The following CDC42BPB variants were observed in gnomAD, a reference collection of about 807,000 sequenced individuals.
CDC42BPB encodes the protein serine/threonine-protein kinase MRCK beta.
CDC42BPB carries 37 observed loss-of-function variants against 214.9 expected under a neutral mutation model. The observed-to-expected ratio is 0.17, with a 90% confidence interval of 0.13 to 0.23. The LOEUF (loss-of-function observed/expected upper bound fraction) is 0.23, where lower values mean the gene tolerates loss of function less well. Among genes scored for constraint, CDC42BPB ranks in the 10% least tolerant of loss-of-function variants. The probability of loss-of-function intolerance (pLI) is 1.00; values close to 1 mark genes in which losing one functional copy is unlikely to be tolerated. For missense variants in CDC42BPB, 1,694 were observed against 2,227.0 expected (o/e 0.76, Z 4.82); for synonymous variants, 931 against 884.0 (o/e 1.05, Z -0.94).
Position 103,012,022 on chromosome 14 carries a change from G to A in CDC42BPB, c.267+75C>T, listed in dbSNP as rs937461474. The stretch of plus-strand genomic sequence containing the variant: ...CTCATCCCCAAACCAATGTATAGGT[G>A]CACAAAAAGGTGAAATGGAAGCTGC... On this transcript the variant is annotated intron_variant, in intron 2 of 36. Transcript: ENST00000361246. The A allele has an allele frequency of 2.0e-5, 18 of 910,166 alleles. No homozygotes were observed. The African/African-American group carries it at 2.1e-4, about 11-fold the overall frequency. The allele number at this position is 910,166 out of a possible 1,614,324, so 56.4% of individuals were successfully genotyped here. A position where few individuals can be genotyped will look rare whatever the true frequency, so the allele number is the denominator to read the frequency against.
intron 36 of CDC42BPB, among the ~76,000 whole-genome samples, chr14:102,935,903 GC>G (rs1258889875): frequency 3.1e-4 from 47 of 152,006 alleles, no homozygotes; most frequent in Admixed American, 1.8e-3. Flanking sequence ...CTACAACCCA[GC>G]CACAAAAGGA....
chr14:103,027,313 T>C (rs1887108107), intron 1 of CDC42BPB, among the ~76,000 whole-genome samples: 1 of 152,180 alleles, frequency 6.6e-6, no homozygotes, highest in Admixed American at 6.5e-5. Context: ...ATTCCACCCC[T>C]AGGTATATAA....
At position 102,934,488 on chromosome 14, in the gene CDC42BPB, TG is replaced by T. The variant is rs1566834715; in HGVS notation, c.5005-646del. Among the ~76,000 whole-genome samples the T allele has an allele frequency of 7.3e-5, 11 of 150,024 alleles. No individual in the cohort carries two copies. The East Asian group carries it at 1.0e-3, about 14-fold the overall frequency. On this transcript the variant is annotated intron_variant, in intron 36 of 36. Coordinates refer to ENST00000361246, the MANE Select transcript of CDC42BPB (RefSeq NM_006035.4). ...GGCGGAGCTTGCAGTGAGCCGAGAC[TG>T]CACCACTGCACTCCAGCCTGGGCGA...
At chr14:103,056,184 G>A (rs1037780113) in intron 1 of CDC42BPB, among the ~76,000 whole-genome samples, 1 of 152,092 alleles carries the variant, frequency 6.6e-6, no homozygotes, top group Non-Finnish European at 1.5e-5. Context: ...ACTAGAGAAG[G>A]CATGCAAAAT....
intron 1 of CDC42BPB, among the ~76,000 whole-genome samples, chr14:103,025,769 T>A (rs1887016774): frequency 6.8e-6 from 1 of 147,288 alleles, no homozygotes; most frequent in African/African-American, 2.5e-5. Context: ...AGCAAGCCAC[T>A]GCACTCCAGC....
intron 26 of CDC42BPB, among the ~76,000 whole-genome samples, chr14:102,949,200 G>C (rs966076724): frequency 1.3e-5 from 2 of 152,174 alleles, no homozygotes; most frequent in African/African-American, 4.8e-5. Flanking sequence ...CCAGTAACAT[G>C]ACCACTGTCC....
chr14:102,978,254 A>G (rs1893845576), intron 8 of CDC42BPB, 49 bp from the exon 9 acceptor site: 16 of 1,601,880 alleles, frequency 1.0e-5, no homozygotes, highest in African/African-American at 1.3e-5. Flanking sequence ...TCAAACAAAC[A>G]GGTAAAAAGA....
chr14:102,995,534 G>A (rs1324301181), intron 5 of CDC42BPB, among the ~76,000 whole-genome samples: 5 of 152,152 alleles, frequency 3.3e-5, no homozygotes, highest in African/African-American at 1.2e-4. Context: ...TATCATCAGG[G>A]GCTGACCTCT....
chr14:102,964,867 T>C (rs1332119574), intron 18 of CDC42BPB: 3 of 593,292 alleles, frequency 5.1e-6, no homozygotes, highest in Non-Finnish European at 6.4e-6. Flanking sequence ...CTAAATAATT[T>C]ACTTTATCTT....
intron 21 of CDC42BPB, among the ~76,000 whole-genome samples, chr14:102,958,744 G>A (rs568342959): frequency 2.0e-5 from 3 of 152,232 alleles, no homozygotes; most frequent in South Asian, 4.1e-4. Context: ...GTGCCAGACT[G>A]TTCCCATCAA....
intron 13 of CDC42BPB, among the ~76,000 whole-genome samples, chr14:102,971,284 G>A (rs1893461483): frequency 6.6e-6 from 1 of 152,194 alleles, no homozygotes; most frequent in South Asian, 2.1e-4. Context: ...CATTAAACAT[G>A]TTACTTATGT....
chr14:102,971,865 A>G, intron 13 of CDC42BPB, 54 bp downstream of exon 13: 1 of 1,556,260 alleles, frequency 6.4e-7, no homozygotes, highest in Non-Finnish European at 8.7e-7. Flanking sequence ...GACGTTTTAT[A>G]AAAGTCACAC....
chr14:103,038,039 AAG>A, intron 1 of CDC42BPB, among the ~76,000 whole-genome samples: 1 of 142,310 alleles, frequency 7.0e-6, no homozygotes, highest in East Asian at 2.1e-4. Flanking sequence ...AAAAAAAAAA[AAG>A]AATTTTAAAA....
In CDC42BPB at chr14:102,950,454, G is replaced by A; in HGVS notation, c.3309+12C>T. 1 of 1,612,466 alleles carries A rather than the reference G, an allele frequency of 6.2e-7. No individual in the cohort carries two copies. Among genetic ancestry groups the A allele is most frequent in the East Asian group, 2.2e-5 (1 of 44,890 alleles). On this transcript the variant is annotated intron_variant, in intron 25 of 36. Coordinates refer to ENST00000361246, the MANE Select transcript of CDC42BPB (RefSeq NM_006035.4). Reference sequence around the variant, plus strand: ...GGCACCGAGGGCTGAGGGCGGAGATGAAGCCGCCTACCTTGACATGGCCTT... The same window carrying A: ...GGCACCGAGGGCTGAGGGCGGAGATAAAGCCGCCTACCTTGACATGGCCTT...
chr14:102,981,906 C>A (rs918360585), intron 7 of CDC42BPB, among the ~76,000 whole-genome samples: 5 of 152,200 alleles, frequency 3.3e-5, no homozygotes, highest in Non-Finnish European at 7.3e-5. Flanking sequence ...CACACACATG[C>A]GCACGCACAC....
intron 1 of CDC42BPB, among the ~76,000 whole-genome samples, chr14:103,046,742 C>T (rs112102761): frequency 3.9e-5 from 6 of 152,138 alleles, no homozygotes; most frequent in African/African-American, 1.2e-4. Flanking sequence ...CAACCTCTGC[C>T]TCCTGGGTTC....
Position 102,975,940 on chromosome 14 carries a change from C to G in CDC42BPB, c.1330G>C (p.Glu444Gln). Residue 444 changes from glutamate to glutamine, a missense_variant, in exon 10 of 37, where the codon GAG (glutamate) becomes CAG (glutamine). Coordinates refer to ENST00000361246, the MANE Select transcript of CDC42BPB (RefSeq NM_006035.4). ...LEHSLQMEAY[E>Q]RRIRRLEQEK... ...TGTTCCAGCCTCCGAATCCTCCTCT[C>G]GTAAGCTTCCATCTGCAGGCTGTGC... 2 of 1,614,226 alleles carry G rather than the reference C, an allele frequency of 1.2e-6. No homozygotes were observed. The highest frequency in any genetic ancestry group is 1.1e-5 in the South Asian group (1 of 91,086).
In CDC42BPB at chr14:102,933,205, TGAAAAAAA is replaced by T. The variant is rs1360799276; in HGVS notation, c.*499_*506del. ...TGCAGCTGACTGTGCAATGGCTAAA[TGAAAAAAA>T]GGCCACAGACTAACCTCCACTTTCC... On this transcript the variant is annotated 3_prime_UTR_variant, in exon 37 of 37. Transcript: ENST00000361246. 6.6e-6 allele frequency: 1 copy of T among 152,452 alleles called. No individual in the cohort carries two copies. The highest frequency in any genetic ancestry group is 1.5e-5 in the Non-Finnish European group (1 of 68,210). 9.4% of individuals were successfully genotyped at this position (152,452 alleles called of 1,614,324 possible). A position where few individuals can be genotyped will look rare whatever the true frequency, so the allele number is the denominator to read the frequency against.
chr14:102,937,495 C>T (rs1891692901), intron 36 of CDC42BPB, among the ~76,000 whole-genome samples: 2 of 152,246 alleles, frequency 1.3e-5, no homozygotes, highest in African/African-American at 2.4e-5. Context: ...GGCCCCTCCG[C>T]CTGCATCCCT....
Sources: gnomAD v4.1 joint callset for allele counts (sites outside exome capture counted in the v4.1 genomes callset) on GRCh38, gnomAD v4.1.1 for gene constraint, MANE v1.5 for transcripts, NCBI Gene and HGNC (gene_info 2026-07-23, HGNC 2026-07-21) for gene names.